DNAAF1: variants seen among roughly 807,000 people sequenced by gnomAD.
DNAAF1 encodes the protein dynein assembly factor 1, axonemal.
A neutral mutation model predicts 71.1 loss-of-function variants in DNAAF1; 65 were observed. The observed-to-expected ratio is 0.91, with a 90% confidence interval of 0.75 to 1.12. The LOEUF is 1.12. Among genes scored for constraint, DNAAF1 ranks in the 50% most tolerant of loss-of-function variants. The probability of loss-of-function intolerance (pLI) is 0.00; values close to 1 mark genes in which losing one functional copy is unlikely to be tolerated. For synonymous variants in DNAAF1, 414 were observed against 354.6 expected (o/e 1.17, Z -1.88); for missense variants, 1,178 against 899.8 (o/e 1.31, Z -3.96).
Position 84,155,587 on chromosome 16 carries a change from C to A in DNAAF1, c.579C>A (p.Cys193Ter). The A allele has an allele frequency of 6.2e-7, 1 of 1,614,078 alleles. No homozygotes were observed. Among genetic ancestry groups the A allele is most frequent in the Non-Finnish European group, 8.5e-7 (1 of 1,179,992 alleles). Residue 193 changes from cysteine to a stop codon, truncating the protein, a stop_gained, in exon 5 of 12, where the codon TGC becomes TGA. Transcript: ENST00000378553. LOFTEE classifies it high-confidence loss of function. The stretch of plus-strand genomic sequence containing the variant: ...TCTGCTGACCTTACCTTCCAGCCTG[C>A]CTCCCAGTCCTGAACACATTGCAGA... The part of the protein sequence containing the change: ...NYIKTIENLS[C>*]LPVLNTLQMA...
At chr16:84,158,209 C>CA (rs544177302) in intron 5 of DNAAF1, among the ~76,000 whole-genome samples, 15 of 147,128 alleles carry the variant, frequency 1.0e-4, no homozygotes, top group South Asian at 8.7e-4. Context: ...GCTCTGTCTC[C>CA]AAAAAAAAAC....
In DNAAF1 at chr16:84,170,079, A is replaced by T. The variant is rs1318482037; in HGVS notation, c.1251A>T (p.Pro417=). 6.2e-7 allele frequency: 1 copy of T among 1,612,520 alleles called. No individual in the cohort carries two copies. The highest frequency in any genetic ancestry group is 1.3e-5 in the African/African-American group (1 of 74,834). The change falls in exon 8 of 12, where the codon CCA becomes CCT. Residue 417 remains proline (P), a synonymous_variant. Transcript: ENST00000378553. ...GTCCAGAGCCAGAGGGGACCCTCCCAGCTGAGACCCTGCTACTGTCGTCAC... is the reference window on the plus strand; with the variant it reads ...GTCCAGAGCCAGAGGGGACCCTCCCTGCTGAGACCCTGCTACTGTCGTCAC... ...DGGPEPEGTL[P]AETLLLSSPV...
chr16:84,160,165 A>G (rs1597439736), intron 6 of DNAAF1, among the ~76,000 whole-genome samples: 1 of 152,338 alleles, frequency 6.6e-6, no homozygotes, highest in South Asian at 2.1e-4. Context: ...CTCACATAAC[A>G]TAACCATGAA....
Position 84,155,573 on chromosome 16 carries a change from T to A in DNAAF1, c.575-10T>A, listed in dbSNP as rs561544696. On this transcript the variant is annotated splice_polypyrimidine_tract_variant and intron_variant, in intron 4 of 11. Transcript: ENST00000378553. The stretch of plus-strand genomic sequence containing the variant: ...CTTTGTTTTTGACTTCTGCTGACCT[T>A]ACCTTCCAGCCTGCCTCCCAGTCCT... 4 of 1,614,040 alleles carry A rather than the reference T, an allele frequency of 2.5e-6. No homozygotes were observed. In the Admixed American group the frequency reaches 5.0e-5, roughly 20 times the overall value.
At chr16:84,175,061 G>C (rs12597741) in intron 10 of DNAAF1, among the ~76,000 whole-genome samples, 62,401 of 151,772 alleles carry the variant, frequency 0.41, 13,187 homozygotes, top group East Asian at 0.52. Context: ...TCTCCATGTT[G>C]GCCAGGCTGG....
Position 84,170,196 on chromosome 16 carries a change from A to C in DNAAF1, c.1368A>C (p.Lys456Asn). The C allele has an allele frequency of 1.9e-6, 3 of 1,609,690 alleles. No individual in the cohort carries two copies. The highest frequency in any genetic ancestry group is 2.5e-6 in the Non-Finnish European group (3 of 1,178,310). ...CACCCCCGCCACCTGTGGAGGTTAA[A>C]GGAGAGGATGGAGATCAAGAGCCAG... is the stretch of plus-strand genomic sequence containing the variant. ...APPPPPPVEV[K>N]GEDGDQEPEG... Residue 456 changes from lysine (K) to asparagine (N), a missense_variant, in exon 8 of 12, where the codon AAA becomes AAC. Lys to Asn is a moderately conservative substitution (Grantham distance 94). Coordinates refer to ENST00000378553, the MANE Select transcript of DNAAF1 (RefSeq NM_178452.6).
intron 9 of DNAAF1, chr16:84,173,316 T>G (rs4580143): frequency 2.9e-6 from 2 of 687,032 alleles, no homozygotes; most frequent in Non-Finnish European, 3.6e-6. Flanking sequence ...AGAAAAAAAT[T>G]AGCCAGGTGT....
intron 6 of DNAAF1, among the ~76,000 whole-genome samples, chr16:84,160,873 C>T (rs1227990088): frequency 1.3e-5 from 2 of 150,950 alleles, no homozygotes; most frequent in African/African-American, 4.9e-5. Flanking sequence ...GGAGGCAGAG[C>T]TTGCAGTGAG....
chr16:84,150,810 C>T (rs907212088), intron 3 of DNAAF1, among the ~76,000 whole-genome samples: 22 of 152,032 alleles, frequency 1.4e-4, no homozygotes, highest in African/African-American at 9.7e-5. Context: ...GGCGGGGTTT[C>T]GCCATGTTGG....
At chr16:84,172,177 C>T (rs1005742923) in intron 8 of DNAAF1, 83 bp from the exon 9 acceptor site, 26 of 1,360,802 alleles carry the variant, frequency 1.9e-5, no homozygotes, top group Non-Finnish European at 2.5e-5. Flanking sequence ...GAGCCCGGCC[C>T]TTGGGAGCCC....
chr16:84,155,641 G>A lies in DNAAF1; in HGVS notation c.633G>A (p.Glu211=). 6.2e-7 allele frequency: 1 copy of A among 1,614,176 alleles called. No individual in the cohort carries two copies. The highest frequency in any genetic ancestry group is 2.2e-5 in the East Asian group (1 of 44,878). Residue 211 remains glutamate (E), a synonymous_variant, in exon 5 of 12, where the codon GAG becomes GAA. Coordinates refer to ENST00000378553, the MANE Select transcript of DNAAF1 (RefSeq NM_178452.6). The part of the protein sequence containing the change: ...QMAHNHLETV[E]DIQHLQECLR... ...CCCACAATCACCTGGAGACCGTGGA[G>A]GACATTCAGCATCTACAAGAGTGTT...
At chr16:84,177,673 CT>C (rs1173454222) in intron 11 of DNAAF1, 55 bp from the exon 12 acceptor site, 22 of 1,495,748 alleles carry the variant, frequency 1.5e-5, no homozygotes, top group Admixed American at 5.0e-5. Flanking sequence ...GGCTGCCCCC[CT>C]GTCCTTGCAG....
chr16:84,171,796 C>G (rs947028143), intron 8 of DNAAF1, among the ~76,000 whole-genome samples: 1 of 152,064 alleles, frequency 6.6e-6, no homozygotes, highest in South Asian at 2.1e-4. Context: ...CCGTTCCGTT[C>G]TTTTTCCAGC....
chr16:84,155,549 T>A (rs375733117), intron 4 of DNAAF1, 34 bp from the exon 5 acceptor site: 1 of 1,613,020 alleles, frequency 6.2e-7, no homozygotes, highest in African/African-American at 1.3e-5. Flanking sequence ...TTTTTATGCC[T>A]TTGTTTTTGA....
At chr16:84,176,517 G>A in intron 11 of DNAAF1, 1 of 694,522 alleles carries the variant, frequency 1.4e-6, no homozygotes, top group Non-Finnish European at 2.4e-6. Context: ...AAGCCACCGA[G>A]CCAGCCTCCT....
In DNAAF1 at chr16:84,154,618, C is replaced by T. The variant is rs538582505; in HGVS notation, c.394C>T (p.Arg132Cys). 72 of 1,614,154 alleles carry T rather than the reference C, an allele frequency of 4.5e-5. 1 individual carries two copies. The South Asian group carries it at 6.1e-4, about 14-fold the overall frequency. Residue 132 changes from arginine (R) to cysteine (C), a missense_variant, in exon 4 of 12, where the codon CGC becomes TGC. Transcript: ENST00000378553. ...IENLEEYTGL[R>C]CLWLQSNGIQ... is the part of the protein sequence containing the mutation. ...GAACCTGGAAGAGTACACAGGGCTG[C>T]GCTGTCTCTGGCTGCAGAGCAATGG... is the stretch of plus-strand genomic sequence containing the variant.
rs528920081 is a variant in DNAAF1, at chr16:84,154,897, T to G, written c.574+99T>G. 489 of 1,067,156 alleles carry G rather than the reference T, an allele frequency of 4.6e-4. 2 individuals carry two copies. Among genetic ancestry groups the G allele is most frequent in the Non-Finnish European group, 5.7e-4 (405 of 706,932 alleles). 66.1% of individuals were successfully genotyped at this position (1,067,156 alleles called of 1,614,324 possible). A position where few individuals can be genotyped will look rare whatever the true frequency, so the allele number is the denominator to read the frequency against. ...TTTATATTATGGGCAAGAAGTGGTG[T>G]TTTTTTTTGTCTTTTTTTTGTTTTT... On this transcript the variant is annotated intron_variant, in intron 4 of 11. Coordinates refer to ENST00000378553, the MANE Select transcript of DNAAF1 (RefSeq NM_178452.6).
intron 3 of DNAAF1, among the ~76,000 whole-genome samples, chr16:84,152,647 C>CAAAA (rs574069319): frequency 2.9e-5 from 2 of 68,170 alleles, no homozygotes; most frequent in African/African-American, 5.3e-5. Context: ...GATTCTGTCT[C>CAAAA]AAAAAAAAAA....
chr16:84,176,353 G>T, intron 11 of DNAAF1, 54 bp downstream of exon 11: 1 of 1,610,520 alleles, frequency 6.2e-7, no homozygotes, highest in Admixed American at 1.7e-5. Context: ...CCCCGGCCTG[G>T]GATGGGTGGG....
Sources: gnomAD v4.1 joint callset for allele counts (sites outside exome capture counted in the v4.1 genomes callset) on GRCh38, gnomAD v4.1.1 for gene constraint, MANE v1.5 for transcripts, NCBI Gene and HGNC (gene_info 2026-07-23, HGNC 2026-07-21) for gene names.